The following ATG7 variants were observed in gnomAD, a reference collection of about 807,000 sequenced individuals.
The protein encoded by ATG7 is autophagy related 7, also known as ubiquitin-like modifier-activating enzyme ATG7.
A neutral mutation model predicts 82.4 loss-of-function variants in ATG7; 70 were observed. The ratio of observed to expected loss-of-function variants is 0.85; its 90% confidence interval spans 0.70 to 1.04. The LOEUF (loss-of-function observed/expected upper bound fraction) is 1.04. Among genes scored for constraint, ATG7 ranks in the 50% least tolerant of loss-of-function variants. The pLI is 0.00. For synonymous variants in ATG7, 287 were observed against 313.0 expected (o/e 0.92, Z 0.88); for missense variants, 792 against 864.3 (o/e 0.92, Z 1.05).
intron 20 of ATG7, among the ~76,000 whole-genome samples, chr3:11,458,495 C>G (rs1397782001): frequency 6.6e-6 from 1 of 152,158 alleles, no homozygotes; most frequent in Non-Finnish European, 1.5e-5. Flanking sequence ...AATCTCCTGA[C>G]CTCGTGATCC....
At chr3:11,429,542 G>GA (rs1380727809) in intron 20 of ATG7, among the ~76,000 whole-genome samples, 3 of 151,726 alleles carry the variant, frequency 2.0e-5, no homozygotes, top group Non-Finnish European at 4.4e-5. Context: ...TTCCAACTTT[G>GA]AAAAATCAGA....
At chr3:11,542,852 G>C (rs1014580341) in intron 20 of ATG7, among the ~76,000 whole-genome samples, 5 of 152,166 alleles carry the variant, frequency 3.3e-5, no homozygotes, top group Non-Finnish European at 5.9e-5. Context: ...CGGAGGTGCT[G>C]ACCTTCCTCT....
At chr3:11,366,463 G>A (rs914092796) in intron 18 of ATG7, among the ~76,000 whole-genome samples, 2 of 151,976 alleles carry the variant, frequency 1.3e-5, no homozygotes, top group African/African-American at 2.4e-5. Flanking sequence ...CCCAAAAGAC[G>A]CGGTAATAAC....
chr3:11,427,412 C>CTGGGG (rs1234986658), intron 20 of ATG7, among the ~76,000 whole-genome samples: 1 of 152,042 alleles, frequency 6.6e-6, no homozygotes, highest in African/African-American at 2.4e-5. Flanking sequence ...ATGGCTTCCC[C>CTGGGG]AGACACAACC....
chr3:11,530,663 A>G (rs73123026), intron 20 of ATG7, among the ~76,000 whole-genome samples: 2,436 of 152,064 alleles, frequency 0.016, 69 homozygotes, highest in African/African-American at 0.056. Context: ...TCTCTCTTCA[A>G]TCCTTCTTAA....
chr3:11,369,939 T>C (rs1364478415), intron 18 of ATG7, among the ~76,000 whole-genome samples: 1 of 150,988 alleles, frequency 6.6e-6, no homozygotes, highest in Admixed American at 6.6e-5. Context: ...ATTCAGTATC[T>C]CATTTTACAA....
chr3:11,559,622 CAG>C (rs1020007002), downstream of ATG7, among the ~76,000 whole-genome samples: 2 of 152,194 alleles, frequency 1.3e-5, no homozygotes, highest in African/African-American at 2.4e-5. Flanking sequence ...AGCCAATCCA[CAG>C]AGTGAGCGCA....
chr3:11,551,185 T>C (rs2071741699), intron 20 of ATG7, among the ~76,000 whole-genome samples: 1 of 152,230 alleles, frequency 6.6e-6, no homozygotes, highest in Non-Finnish European at 1.5e-5. Flanking sequence ...CGTCTGAGTG[T>C]TCCGTGCTGA....
At position 11,384,216 on chromosome 3, in the gene ATG7, G is replaced by A. The variant is rs73812443; in HGVS notation, c.1956+4164G>A. ...GCAGGACTGTGCAGGAGGAGACTGC[G>A]TGCAGAGTATTCTTGCTCTTGTTGC... On this transcript the variant is annotated intron_variant, in intron 19 of 20. Transcript: ENST00000693202. Among the ~76,000 whole-genome samples, 1,058 of 152,330 alleles carry A rather than the reference G, an allele frequency of 6.9e-3. 18 individuals are homozygous for A. Among genetic ancestry groups the A allele is most frequent in the African/African-American group, 0.022 (931 of 41,580 alleles).
At chr3:11,476,865 C>T (rs1346855884) in intron 20 of ATG7, among the ~76,000 whole-genome samples, 1 of 152,178 alleles carries the variant, frequency 6.6e-6, no homozygotes, top group African/African-American at 2.4e-5. Flanking sequence ...ACTCCACTCC[C>T]TTGTTTAATG....
At chr3:11,508,339 A>G (rs1050256125) in intron 20 of ATG7, among the ~76,000 whole-genome samples, 2 of 151,572 alleles carry the variant, frequency 1.3e-5, no homozygotes, top group Non-Finnish European at 2.9e-5. Context: ...TGAGCTTAAA[A>G]AAAAAAAAAA....
intron 20 of ATG7, among the ~76,000 whole-genome samples, chr3:11,491,636 A>G (rs2090365825): frequency 6.6e-6 from 1 of 152,060 alleles, no homozygotes; most frequent in Non-Finnish European, 1.5e-5. Flanking sequence ...TTGGTGATGT[A>G]CAGTTGGGTT....
At chr3:11,385,811 A>G (rs2078276692) in intron 19 of ATG7, among the ~76,000 whole-genome samples, 1 of 152,202 alleles carries the variant, frequency 6.6e-6, no homozygotes, top group African/African-American at 2.4e-5. Context: ...ACAACAAAAC[A>G]TGGCAGTTAT....
At chr3:11,529,841 T>A (rs1376909061) in intron 20 of ATG7, 3 of 152,282 alleles carry the variant, frequency 2.0e-5, no homozygotes, top group African/African-American at 7.2e-5. Flanking sequence ...CTGAGATGGC[T>A]CTGTGCTCGT....
intron 20 of ATG7, among the ~76,000 whole-genome samples, chr3:11,466,317 G>A (rs56769223): frequency 0.017 from 2,548 of 152,282 alleles, 45 homozygotes; most frequent in African/African-American, 0.045. Flanking sequence ...GACCCCATAC[G>A]GGTAAGGTGA....
Position 11,442,928 on chromosome 3 carries a change from A to G in ATG7, c.2079+16002A>G, listed in dbSNP as rs142997911. Among the ~76,000 whole-genome samples, 6 of 152,128 alleles carry G rather than the reference A, an allele frequency of 3.9e-5. No homozygotes were observed. The East Asian group carries it at 1.2e-3, about 29-fold the overall frequency. On this transcript the variant is annotated intron_variant, in intron 20 of 20. Coordinates refer to ENST00000693202, the MANE Select transcript of ATG7 (RefSeq NM_001349232.2). Reference sequence around the variant, plus strand: ...AAAGCAAGACCTTGGCTGTACAACAAACAAAACAAAAGGAAAAACAACTAT... The same window carrying G: ...AAAGCAAGACCTTGGCTGTACAACAGACAAAACAAAAGGAAAAACAACTAT...
intron 20 of ATG7, among the ~76,000 whole-genome samples, chr3:11,497,357 C>CTATATATATATGTATATGTG (rs1281826628): frequency 1.7e-5 from 1 of 57,294 alleles, no homozygotes; most frequent in African/African-American, 6.7e-5. Context: ...ACTAAAAATA[C>CTATATATATATGTATATGTG]TATATATATA....
At chr3:11,428,319 G>A (rs1209998339) in intron 20 of ATG7, among the ~76,000 whole-genome samples, 1 of 152,242 alleles carries the variant, frequency 6.6e-6, no homozygotes, top group Admixed American at 6.5e-5. Flanking sequence ...GTTTGGAGAG[G>A]TGGAGCTAGT....
intron 3 of ATG7, chr3:11,290,811 A>T (rs1225559824): frequency 1.2e-5 from 2 of 164,398 alleles, no homozygotes; most frequent in African/African-American, 4.8e-5. Context: ...CAGCCTCCTG[A>T]GTAGCTGGGA....
Sources: allele counts gnomAD v4.1 joint callset (sites outside exome capture counted in the v4.1 genomes callset), GRCh38; gene constraint gnomAD v4.1.1; transcripts MANE v1.5; gene names NCBI Gene and HGNC (gene_info 2026-07-23, HGNC 2026-07-21).